PLSCR2: variants seen among roughly 807,000 people sequenced by gnomAD.
The protein encoded by PLSCR2 is phospholipid scramblase 2.
In PLSCR2, 18 loss-of-function variants were observed where a neutral mutation model predicts 25.3. The ratio of observed to expected loss-of-function variants is 0.71; its 90% CI spans 0.49 to 1.06. PLSCR2 has a LOEUF of 1.06. Ranked by LOEUF, PLSCR2 falls within the 50% of genes least tolerant of loss-of-function variation. The probability of loss-of-function intolerance (pLI) is 0.00; values close to 1 mark genes in which losing one functional copy is unlikely to be tolerated. For synonymous variants in PLSCR2, 88 were observed against 87.3 expected, an observed-to-expected ratio of 1.01 and a Z score of -0.04; for missense variants, 243 against 269.5, an observed-to-expected ratio of 0.90 and a Z score of 0.69.
intron 4 of PLSCR2, among the ~76,000 whole-genome samples, chr3:146,454,538 T>C (rs2041087008): frequency 6.6e-6 from 1 of 152,198 alleles, no homozygotes; most frequent in African/African-American, 2.4e-5. Flanking sequence ...GCAATCTGTA[T>C]GGAAGACTAA....
intron 6 of PLSCR2, among the ~76,000 whole-genome samples, chr3:146,448,717 T>C (rs1028089637): frequency 1.3e-5 from 2 of 152,236 alleles, no homozygotes; most frequent in Non-Finnish European, 2.9e-5. Flanking sequence ...AATTCTAATA[T>C]AAATATACAT....
At chr3:146,470,320 G>A (rs546479069) in intron 1 of PLSCR2, among the ~76,000 whole-genome samples, 1 of 152,114 alleles carries the variant, frequency 6.6e-6, no homozygotes, top group Non-Finnish European at 1.5e-5. Flanking sequence ...CGAGGCAGGC[G>A]GATCACCTGA....
intron 6 of PLSCR2, among the ~76,000 whole-genome samples, chr3:146,443,081 C>T (rs535590002): frequency 2.0e-5 from 3 of 152,024 alleles, no homozygotes; most frequent in South Asian, 2.1e-4. Context: ...ATATCCAAAA[C>T]GTATGTTGAA....
intron 1 of PLSCR2, among the ~76,000 whole-genome samples, chr3:146,471,035 TTTTG>T (rs1261911139): frequency 2.2e-3 from 16 of 7,158 alleles, no homozygotes; most frequent in African/African-American, 8.9e-3. Flanking sequence ...TACACAGTGT[TTTTG>T]TTTTTTTGTT....
chr3:146,431,898 C>G (rs572376884), downstream of PLSCR2, among the ~76,000 whole-genome samples: 1 of 150,758 alleles, frequency 6.6e-6, no homozygotes, highest in Non-Finnish European at 1.5e-5. Context: ...ATCTTCTTTC[C>G]TGTACACATC....
intron 1 of PLSCR2, 68 bp from the exon 1 acceptor site, chr3:146,469,629 C>A (rs987873387): frequency 4.2e-6 from 4 of 941,926 alleles, no homozygotes; most frequent in South Asian, 4.9e-5. Flanking sequence ...GGGCCTGGAC[C>A]AGCCTCAGAG....
chr3:146,447,272 A>G (rs1187169890), intron 6 of PLSCR2, among the ~76,000 whole-genome samples: 1 of 152,104 alleles, frequency 6.6e-6, no homozygotes, highest in African/African-American at 2.4e-5. Flanking sequence ...TTATCTCCCC[A>G]TATCTGCCAC....
chr3:146,484,973 A>G (rs2043288453), intron 1 of PLSCR2, among the ~76,000 whole-genome samples: 1 of 152,156 alleles, frequency 6.6e-6, no homozygotes, highest in Non-Finnish European at 1.5e-5. Flanking sequence ...AAATGCCCCA[A>G]TTAAAAGACA....
At position 146,455,232 on chromosome 3, in the gene PLSCR2, C is replaced by T. The variant is rs1234543502; in HGVS notation, c.321+7G>A. 6.3e-7 allele frequency: 1 copy of T among 1,593,280 alleles called. No individual in the cohort carries two copies. Among genetic ancestry groups the T allele is most frequent in the Non-Finnish European group, 8.6e-7 (1 of 1,161,346 alleles). On this transcript the variant is annotated splice_region_variant and intron_variant, in intron 4 of 6. Coordinates refer to ENST00000610787, the Ensembl canonical transcript of PLSCR2. ...TTTATGAAAAGCTCTAGTAATTGCTCACATACCTCCTGAAGGCAGCAGGGG... is the reference window on the plus strand; with the variant it reads ...TTTATGAAAAGCTCTAGTAATTGCTTACATACCTCCTGAAGGCAGCAGGGG...
chr3:146,442,679 T>C (rs914078286), intron 6 of PLSCR2, among the ~76,000 whole-genome samples: 6 of 152,034 alleles, frequency 3.9e-5, no homozygotes, highest in Non-Finnish European at 8.8e-5. Context: ...AATTGATTTT[T>C]GACAAAGGTA....
rs185357329 is a variant in PLSCR2 at position 146,425,838 on chromosome 3, T to A, written c.101-29917A>T. Among the ~76,000 whole-genome samples the A allele has an allele frequency of 1.3e-3, 194 of 152,248 alleles. 1 individual carries two copies. Among genetic ancestry groups the A allele is most frequent in the African/African-American group, 4.5e-3 (186 of 41,566 alleles). ...AGATGAAGAACCTATTATTTGAAAC[T>A]GGAGAAAAGTGGATTTTTGTTATAT... On this transcript the variant is annotated intron_variant and NMD_transcript_variant, in intron 2 of 3. Transcript: ENST00000463633.
chr3:146,440,480 G>A (rs1017135582), downstream of PLSCR2, among the ~76,000 whole-genome samples: 1 of 152,172 alleles, frequency 6.6e-6, no homozygotes, highest in Non-Finnish European at 1.5e-5. Flanking sequence ...AATGGCAGAC[G>A]CCCCTTCCCC....
intron 2 of PLSCR2, among the ~76,000 whole-genome samples, chr3:146,404,825 G>C (rs1332026943): frequency 1.3e-5 from 2 of 150,454 alleles, no homozygotes; most frequent in African/African-American, 2.4e-5. Context: ...AAAAAAAGGG[G>C]GGGGGTGGTG....
At chr3:146,489,316 T>TTAAAA (rs1320899226) in intron 1 of PLSCR2, among the ~76,000 whole-genome samples, 2 of 152,080 alleles carry the variant, frequency 1.3e-5, no homozygotes, top group African/African-American at 2.4e-5. Flanking sequence ...ATCCCAGAAC[T>TTAAAA]TAAAATAAAA....
intron 2 of PLSCR2, among the ~76,000 whole-genome samples, chr3:146,425,306 G>A (rs1404836598): frequency 6.6e-6 from 1 of 152,140 alleles, no homozygotes; most frequent in Admixed American, 6.6e-5. Flanking sequence ...TAAGGGGAAA[G>A]TATACCATCC....
rs548619813 is a variant in PLSCR2, at chr3:146,466,722, CATAAAG to C, written c.-292-6444_-292-6439del. Among the ~76,000 whole-genome samples, 841 of 152,182 alleles carry C rather than the reference CATAAAG, an allele frequency of 5.5e-3. 1 individual carries two copies. The highest frequency in any genetic ancestry group is 0.014 in the Middle Eastern group (4 of 294). ...TCTTCATAAATGAGAAAACTAAGCC[CATAAAG>C]ATAAAGTGTTTACTTAATGCTGTAC... On this transcript the variant is annotated intron_variant, in intron 1 of 8. Coordinates refer to the PLSCR2 transcript ENST00000336685.
intron 3 of PLSCR2, among the ~76,000 whole-genome samples, chr3:146,457,250 G>A (rs1301299992): frequency 6.6e-6 from 1 of 152,204 alleles, no homozygotes; most frequent in Admixed American, 6.5e-5. Context: ...TATTATAACA[G>A]ATATATTCTA....
At chr3:146,469,609 G>C in intron 1 of PLSCR2, 48 bp from the exon 1 acceptor site, 1 of 980,698 alleles carries the variant, frequency 1.0e-6, no homozygotes, top group East Asian at 1.1e-4. Context: ...CCCGGAAGTC[G>C]GCGGAAAAGG....
At chr3:146,394,345 G>A (rs531521836) in intron 3 of PLSCR2, among the ~76,000 whole-genome samples, 5 of 151,902 alleles carry the variant, frequency 3.3e-5, no homozygotes, top group East Asian at 1.9e-4. Flanking sequence ...TCAGCTCACC[G>A]CAACCTCTGC....
Sources: allele counts gnomAD v4.1 joint callset (sites outside exome capture counted in the v4.1 genomes callset), GRCh38; gene constraint gnomAD v4.1.1; transcripts MANE v1.5; gene names NCBI Gene and HGNC (gene_info 2026-07-23, HGNC 2026-07-21).